The following CSMD1 variants were observed in gnomAD, a reference collection of about 807,000 sequenced individuals.
The protein encoded by CSMD1 is CUB and Sushi multiple domains 1.
Under a neutral mutation model 417.5 loss-of-function variants are expected in CSMD1, and 213 were observed. That is an observed-to-expected ratio of 0.51 (90% confidence interval 0.46 to 0.57). The LOEUF (loss-of-function observed/expected upper bound fraction) is 0.57. Ranked by LOEUF, CSMD1 falls within the 20% of genes least tolerant of loss-of-function variation. The pLI, the probability that CSMD1 is intolerant of heterozygous loss-of-function variation, is 0.00. For synonymous variants in CSMD1, 2,862 were observed against 1,736.8 expected, an observed-to-expected ratio of 1.65 and a Z score of -16.11; for missense variants, 6,923 against 4,529.7, an observed-to-expected ratio of 1.53 and a Z score of -15.17.
At chr8:4,215,713 A>G (rs1271473981) in intron 3 of CSMD1, among the ~76,000 whole-genome samples, 1 of 152,338 alleles carries the variant, frequency 6.6e-6, no homozygotes, top group East Asian at 1.9e-4. Context: ...TTAAAACTCA[A>G]ATGTACATGT....
intron 37 of CSMD1, among the ~76,000 whole-genome samples, chr8:3,176,927 G>A (rs1820971265): frequency 6.6e-6 from 1 of 151,892 alleles, no homozygotes; most frequent in Non-Finnish European, 1.5e-5. Flanking sequence ...TACAGGTGAG[G>A]CCACCATGCC....
At chr8:4,188,419 T>G (rs1265653237) in intron 3 of CSMD1, among the ~76,000 whole-genome samples, 1 of 152,178 alleles carries the variant, frequency 6.6e-6, no homozygotes, top group Non-Finnish European at 1.5e-5. Context: ...CTCAGATTAT[T>G]TCGGCAGATA....
chr8:2,950,272 C>A lies in CSMD1; in HGVS notation c.10273G>T (p.Val3425Leu). Residue 3425 changes from valine to leucine, a missense_variant, in exon 67 of 70, where the codon GTA (valine) becomes TTA (leucine). Physicochemically the swap from Val to Leu is conservative, Grantham distance 32. Coordinates refer to ENST00000635120, the MANE Select transcript of CSMD1 (RefSeq NM_033225.6). ...FQIKGQADIF[V>L]SKFENDNWGL... ...CAGTTGTCATTTTCGAACTTGCTTA[C>A]AAAAATATCTGCCTGGCCTTTAATT... 6.2e-7 allele frequency: 1 copy of A among 1,613,342 alleles called. No homozygotes were observed. The highest frequency in any genetic ancestry group is 8.5e-7 in the Non-Finnish European group (1 of 1,179,368).
At chr8:4,413,318 G>A (rs79129236) in intron 3 of CSMD1, among the ~76,000 whole-genome samples, 27,169 of 152,004 alleles carry the variant, frequency 0.18, 2,905 homozygotes, top group Non-Finnish European at 0.24. Context: ...TTTTAACTAC[G>A]CTCGTGGGGC....
In CSMD1 at chr8:4,698,137, T is replaced by G. The variant is rs960278779; in HGVS notation, c.86-60579A>C. On this transcript the variant is annotated intron_variant, in intron 1 of 69. Transcript: ENST00000635120. ...AACACTTTTGCTTTGAATACTGGGT[T>G]TTTTTTTTTTTTTTGGAATTGAACA... 4.7e-4 allele frequency among the ~76,000 whole-genome samples: 7 copies of G among 14,900 alleles called. No homozygotes were observed. The African/African-American group carries it at 8.1e-3, about 17-fold the overall frequency. The allele number at this position is 14,900 out of a possible 152,430, so 9.8% of individuals were successfully genotyped here.
intron 2 of CSMD1, among the ~76,000 whole-genome samples, chr8:4,563,008 T>G (rs767308182): frequency 9.2e-5 from 14 of 152,154 alleles, no homozygotes; most frequent in Non-Finnish European, 1.8e-4. Flanking sequence ...ACATGCACCA[T>G]GAAAATTCCG....
chr8:3,318,847 C>A (rs533802948), intron 23 of CSMD1, among the ~76,000 whole-genome samples: 38 of 152,108 alleles, frequency 2.5e-4, no homozygotes, highest in Non-Finnish European at 5.1e-4. Flanking sequence ...TCCAAAGGAG[C>A]CCCCTGTGCT....
intron 8 of CSMD1, among the ~76,000 whole-genome samples, chr8:3,598,997 C>T (rs370757510): frequency 3.3e-5 from 5 of 152,036 alleles, no homozygotes; most frequent in Non-Finnish European, 5.9e-5. Flanking sequence ...AGGAGAATTC[C>T]GTGAATGTGG....
At chr8:3,790,499 G>A (rs1378728667) in intron 5 of CSMD1, among the ~76,000 whole-genome samples, 1 of 152,048 alleles carries the variant, frequency 6.6e-6, no homozygotes, top group Non-Finnish European at 1.5e-5. Context: ...TGAGAGTGAT[G>A]GTAATTATGA....
chr8:4,685,482 G>A (rs1364852053), intron 1 of CSMD1, among the ~76,000 whole-genome samples: 2 of 152,110 alleles, frequency 1.3e-5, no homozygotes, highest in African/African-American at 2.4e-5. Context: ...GGCTGAGGCA[G>A]GAGAATCGCT....
In CSMD1 at chr8:3,475,342, T is replaced by C. The variant is rs191872683; in HGVS notation, c.1449-6518A>G. ...TATCCCTAGTCTCTAGTAAATAACA[T>C]AAACATTTTTAAAATAAATCAATAA... On this transcript the variant is annotated intron_variant, in intron 11 of 69. Transcript: ENST00000635120. Among the ~76,000 whole-genome samples the C allele has an allele frequency of 1.2e-4, 19 of 152,282 alleles. No homozygotes were observed. In the East Asian group the frequency reaches 3.7e-3, roughly 29 times the overall value.
At chr8:3,038,193 A>G (rs1428484228) in intron 50 of CSMD1, among the ~76,000 whole-genome samples, 1 of 152,218 alleles carries the variant, frequency 6.6e-6, no homozygotes, top group Non-Finnish European at 1.5e-5. Flanking sequence ...TCTCAGCGAG[A>G]CAAGACCAAC....
At chr8:3,734,011 T>C (rs1796400098) in intron 6 of CSMD1, among the ~76,000 whole-genome samples, 2 of 151,982 alleles carry the variant, frequency 1.3e-5, no homozygotes, top group Admixed American at 6.6e-5. Context: ...AGGGTGTGAG[T>C]GTGTATATGG....
chr8:3,485,321 T>C (rs982412725), intron 11 of CSMD1, among the ~76,000 whole-genome samples: 2 of 152,156 alleles, frequency 1.3e-5, no homozygotes, highest in Non-Finnish European at 2.9e-5. Flanking sequence ...TCTAATTATA[T>C]AACATTCTTG....
At chr8:3,472,885 T>C (rs1585215613) in intron 11 of CSMD1, among the ~76,000 whole-genome samples, 2 of 152,092 alleles carry the variant, frequency 1.3e-5, no homozygotes, top group African/African-American at 2.4e-5. Context: ...GAAGTAACTG[T>C]TGGGGGAGTT....
chr8:4,159,956 G>A (rs542254790), intron 3 of CSMD1, among the ~76,000 whole-genome samples: 8 of 152,072 alleles, frequency 5.3e-5, no homozygotes, highest in African/African-American at 9.7e-5. Flanking sequence ...GTGGGAGGGG[G>A]TGAGGGATAA....
chr8:4,390,319 G>T (rs1803755773), intron 3 of CSMD1, among the ~76,000 whole-genome samples: 1 of 151,848 alleles, frequency 6.6e-6, no homozygotes, highest in African/African-American at 2.4e-5. Context: ...AAGTTAATTG[G>T]GAAAAGAAGG....
At chr8:4,032,881 C>A (rs564178674) in intron 3 of CSMD1, among the ~76,000 whole-genome samples, 65 of 152,148 alleles carry the variant, frequency 4.3e-4, no homozygotes, top group Non-Finnish European at 8.1e-4. Flanking sequence ...TAGGTCAGGC[C>A]GTGGTGGGAT....
intron 3 of CSMD1, 61 bp from the exon 4 acceptor site, chr8:4,032,160 A>T (rs570323628): frequency 7.7e-7 from 1 of 1,302,592 alleles, no homozygotes; most frequent in Admixed American, 2.0e-5. Context: ...AGAGCCACTT[A>T]TAAGATAAAA....
Sources: allele counts gnomAD v4.1 joint callset (sites outside exome capture counted in the v4.1 genomes callset), GRCh38; gene constraint gnomAD v4.1.1; transcripts MANE v1.5; gene names NCBI Gene and HGNC (gene_info 2026-07-23, HGNC 2026-07-21).